KYAT1: variants seen among roughly 807,000 people sequenced by gnomAD.
The protein encoded by KYAT1 is kynurenine aminotransferase 1, also known as kynurenine--oxoglutarate transaminase 1.
In KYAT1, 47 loss-of-function variants were observed where a neutral mutation model predicts 52.4. That is an observed-to-expected ratio of 0.90 (90% confidence interval 0.71 to 1.14). KYAT1 has a LOEUF of 1.14. KYAT1 is among the 50% of genes most tolerant of loss of function. The probability of loss-of-function intolerance (pLI) is 0.00; values close to 1 mark genes in which losing one functional copy is unlikely to be tolerated. For missense variants in KYAT1, 480 were observed against 557.9 expected, an observed-to-expected ratio of 0.86 and a Z score of 1.41; for synonymous variants, 212 against 209.6, an observed-to-expected ratio of 1.01 and a Z score of -0.10.
At chr9:128,863,265 C>T (rs1835704796) in intron 1 of KYAT1, among the ~76,000 whole-genome samples, 1 of 151,980 alleles carries the variant, frequency 6.6e-6, no homozygotes, top group Non-Finnish European at 1.5e-5. Flanking sequence ...GCTTTGATGA[C>T]CTTGGCAGTG....
At chr9:128,868,984 G>A (rs1487527244) in intron 1 of KYAT1, among the ~76,000 whole-genome samples, 1 of 152,116 alleles carries the variant, frequency 6.6e-6, no homozygotes, top group Non-Finnish European at 1.5e-5. Flanking sequence ...GATTACAGGT[G>A]TGAGCCACTG....
intron 6 of KYAT1, 110 bp downstream of exon 6, chr9:128,837,575 C>T (rs2118983178): frequency 1.6e-6 from 2 of 1,257,156 alleles, no homozygotes; most frequent in Non-Finnish European, 1.1e-6. Context: ...TTGTGTGTGG[C>T]CCTCCCACAC....
intron 1 of KYAT1, among the ~76,000 whole-genome samples, chr9:128,870,227 C>T (rs963393481): frequency 2.0e-5 from 3 of 152,034 alleles, no homozygotes; most frequent in Non-Finnish European, 4.4e-5. Context: ...GTGAAAAAAA[C>T]CCAAATTGTC....
intron 1 of KYAT1, among the ~76,000 whole-genome samples, chr9:128,865,245 CAA>C (rs764268082): frequency 3.7e-5 from 2 of 54,282 alleles, no homozygotes; most frequent in Non-Finnish European, 3.5e-5. Flanking sequence ...CCTCCCACAC[CAA>C]AAAAAAAAAA....
In KYAT1 at chr9:128,835,701, G is replaced by T. The variant is rs766089431; in HGVS notation, c.856-34C>A. 5 of 1,607,048 alleles carry T rather than the reference G, an allele frequency of 3.1e-6. No homozygotes were observed. The Admixed American group carries it at 5.0e-5, about 16-fold the overall frequency. ...GGCAGATGGACACACAGATAGATCA[G>T]CTGTTCCCTGACGCGGGGGCCAGCC... On this transcript the variant is annotated intron_variant, in intron 9 of 12. Transcript: ENST00000302586.
intron 1 of KYAT1, among the ~76,000 whole-genome samples, chr9:128,875,325 C>G (rs1448745351): frequency 6.8e-6 from 1 of 146,448 alleles, no homozygotes; most frequent in Admixed American, 7.0e-5. Flanking sequence ...AGCTGTGTGA[C>G]CTTGGCTCAC....
upstream of KYAT1, chr9:128,882,326 G>A (rs1839075967): frequency 5.8e-6 from 1 of 171,252 alleles, no homozygotes; most frequent in Non-Finnish European, 1.2e-5. Context: ...TCGGCCAGCT[G>A]CCCGGCCCGG....
In KYAT1 at chr9:128,850,978, T is replaced by A. The variant is rs2759014; in HGVS notation, c.-6-5567A>T. 3.3e-5 allele frequency among the ~76,000 whole-genome samples: 5 copies of A among 152,176 alleles called. No homozygotes were observed. The South Asian group carries it at 1.0e-3, about 31-fold the overall frequency. On this transcript the variant is annotated intron_variant, in intron 1 of 12. Coordinates refer to ENST00000302586, the MANE Select transcript of KYAT1 (RefSeq NM_004059.5). The stretch of plus-strand genomic sequence containing the variant: ...TAATTATGACAGATTCTTTTGCTCA[T>A]GTTTTTTGCTGAACTTCTCCTTATT...
chr9:128,838,069 C>G lies in KYAT1; in HGVS notation c.420G>C (p.Val140=). 6.2e-7 allele frequency: 1 copy of G among 1,614,166 alleles called. No homozygotes were observed. Among genetic ancestry groups the G allele is most frequent in the South Asian group, 1.1e-5 (1 of 91,084 alleles). The change falls in exon 5 of 13, where the codon GTG becomes GTC. Residue 140 remains valine, a synonymous_variant. Coordinates refer to ENST00000302586, the MANE Select transcript of KYAT1 (RefSeq NM_004059.5). ...PMTMMAGGRP[V]FVSLKPGPIQ... ...TCCTTACCGGCTTCAGGGACACAAA[C>G]ACAGGACGACCCCCTGCCATCATTG...
In KYAT1 at chr9:128,866,763, A is replaced by T. The variant is rs1836442167; in HGVS notation, c.-7+15134T>A. On this transcript the variant is annotated intron_variant, in intron 1 of 12. Coordinates refer to ENST00000302586, the MANE Select transcript of KYAT1 (RefSeq NM_004059.5). ...TGTCTCTACTAAAAATATAAAAAAT[A>T]TTAGCCGTGATGTGCGCCTGTAATC... Among the ~76,000 whole-genome samples, 4 of 151,538 alleles carry T rather than the reference A, an allele frequency of 2.6e-5. No homozygotes were observed. The South Asian group carries it at 8.4e-4, about 32-fold the overall frequency.
chr9:128,841,929 T>G (rs1346750384), intron 3 of KYAT1: 1 of 151,456 alleles, frequency 6.6e-6, no homozygotes, highest in African/African-American at 2.5e-5. Context: ...GCATATCATG[T>G]GAGCCCCATG....
At chr9:128,842,514 C>G in intron 3 of KYAT1, 140 bp downstream of exon 3, 1 of 830,192 alleles carries the variant, frequency 1.2e-6, no homozygotes. Context: ...ACAGAGGATA[C>G]GCTCAGTAAA....
intron 1 of KYAT1, among the ~76,000 whole-genome samples, chr9:128,863,815 G>A (rs1181871380): frequency 6.6e-6 from 1 of 152,150 alleles, no homozygotes; most frequent in Non-Finnish European, 1.5e-5. Flanking sequence ...GCAACCTGCT[G>A]GCCCCAGGAG....
chr9:128,876,707 C>G (rs1466370249), intron 1 of KYAT1, among the ~76,000 whole-genome samples: 1 of 150,112 alleles, frequency 6.7e-6, no homozygotes, highest in South Asian at 2.1e-4. Flanking sequence ...GCATGAGCCA[C>G]GGCACCCGGC....
intron 1 of KYAT1, among the ~76,000 whole-genome samples, chr9:128,868,094 T>C (rs1466279637): frequency 6.6e-6 from 1 of 151,396 alleles, no homozygotes; most frequent in Non-Finnish European, 1.5e-5. Flanking sequence ...ATAATTAGAA[T>C]AGTGTGGTAT....
chr9:128,865,010 T>C (rs1056779521), intron 1 of KYAT1, among the ~76,000 whole-genome samples: 1 of 151,350 alleles, frequency 6.6e-6, no homozygotes, highest in African/African-American at 2.4e-5. Flanking sequence ...GAGGATCCCT[T>C]GAGCCCAGGA....
At chr9:128,839,493 G>T (rs369843534) in intron 3 of KYAT1, among the ~76,000 whole-genome samples, 1 of 152,214 alleles carries the variant, frequency 6.6e-6, no homozygotes, top group African/African-American at 2.4e-5. Context: ...CATGGTGGCG[G>T]GCACCTGTAG....
At position 128,871,332 on chromosome 9, in the gene KYAT1, C is replaced by T. The variant is rs1588150590; in HGVS notation, c.-7+10565G>A. ...GACCTTGTCTTAAAACAAAACAAAA[C>T]AAAACAAACAAAAACAAACAAAAAG... On this transcript the variant is annotated intron_variant, in intron 1 of 12. Coordinates refer to ENST00000302586, the MANE Select transcript of KYAT1 (RefSeq NM_004059.5). 2.0e-5 allele frequency among the ~76,000 whole-genome samples: 3 copies of T among 151,684 alleles called. No homozygotes were observed. The South Asian group carries it at 6.3e-4, about 32-fold the overall frequency.
At chr9:128,876,608 A>G (rs1043387303) in intron 1 of KYAT1, among the ~76,000 whole-genome samples, 7 of 143,648 alleles carry the variant, frequency 4.9e-5, no homozygotes, top group Non-Finnish European at 1.1e-4. Context: ...TTTAGTAGAG[A>G]CAGGGTTTCA....
Sources: allele counts gnomAD v4.1 joint callset (sites outside exome capture counted in the v4.1 genomes callset), GRCh38; gene constraint gnomAD v4.1.1; transcripts MANE v1.5; gene names NCBI Gene and HGNC (gene_info 2026-07-23, HGNC 2026-07-21).